The following PLPP4 variants were observed in gnomAD, a reference collection of about 807,000 sequenced individuals.
PLPP4 encodes phospholipid phosphatase 4.
Under a neutral mutation model 32.2 loss-of-function variants are expected in PLPP4, and 20 were observed. That is an observed-to-expected ratio of 0.62 (90% CI 0.44 to 0.90). The LOEUF (loss-of-function observed/expected upper bound fraction) is 0.90, where lower values mean the gene tolerates loss of function less well. Among genes scored for constraint, PLPP4 ranks in the 40% least tolerant of loss-of-function variants. PLPP4 has a pLI of 0.00. For synonymous variants in PLPP4, 127 were observed against 133.0 expected (o/e 0.95, Z 0.31); for missense variants, 257 against 353.1 (o/e 0.73, Z 2.18).
At position 120,503,752 on chromosome 10, in the gene PLPP4, C is replaced by A. The variant is rs1367791951; in HGVS notation, c.57-66C>A. ...CCCTGAGGGTGCATAGAAGGGGGGC[C>A]TCCTTGGGAACTTCCCACAGCAACA... On this transcript the variant is annotated intron_variant, in intron 1 of 6. Coordinates refer to ENST00000398250, the MANE Select transcript of PLPP4 (RefSeq NM_001030059.3). The A allele has an allele frequency of 1.3e-5, 21 of 1,589,024 alleles. No homozygotes were observed. In the Admixed American group the frequency reaches 3.5e-4, roughly 27 times the overall value.
At chr10:120,489,216 C>G (rs1029150772) in intron 1 of PLPP4, among the ~76,000 whole-genome samples, 6 of 152,198 alleles carry the variant, frequency 3.9e-5, no homozygotes, top group African/African-American at 1.4e-4. Context: ...GCAAGGTTTG[C>G]AAGTTGATCT....
chr10:120,531,782 T>C (rs1386347069), intron 5 of PLPP4, among the ~76,000 whole-genome samples: 1 of 152,072 alleles, frequency 6.6e-6, no homozygotes, highest in African/African-American at 2.4e-5. Flanking sequence ...TTCATTAATC[T>C]GTGTTCCTAT....
At chr10:120,522,469 C>T (rs899958566) in intron 5 of PLPP4, among the ~76,000 whole-genome samples, 2 of 152,306 alleles carry the variant, frequency 1.3e-5, no homozygotes, top group East Asian at 1.9e-4. Context: ...TGTCTAAGGA[C>T]ACCAGCTCTG....
intron 1 of PLPP4, among the ~76,000 whole-genome samples, chr10:120,479,274 C>G (rs561433224): frequency 4.6e-5 from 7 of 152,222 alleles, no homozygotes; most frequent in South Asian, 4.1e-4. Context: ...TCCCATCCCC[C>G]CTACTGCCAC....
intron 1 of PLPP4, among the ~76,000 whole-genome samples, chr10:120,498,250 C>T (rs1589768427): frequency 6.6e-6 from 1 of 151,806 alleles, no homozygotes; most frequent in Non-Finnish European, 1.5e-5. Context: ...AGTTTGAATC[C>T]CTATTAAGTG....
Position 120,504,704 on chromosome 10 carries a change from G to A in PLPP4, c.165+778G>A, listed in dbSNP as rs574271299. On this transcript the variant is annotated intron_variant, in intron 2 of 6. Transcript: ENST00000398250. ...GGAATGAGAGAGGACTTGTTTGTCT[G>A]GGCTATGCTGAGTTACAGTAAAGGA... is the stretch of plus-strand genomic sequence containing the variant. Among the ~76,000 whole-genome samples the A allele has an allele frequency of 6.6e-5, 10 of 152,322 alleles. No homozygotes were observed. In the South Asian group the frequency reaches 2.1e-3, roughly 32 times the overall value.
chr10:120,573,296 AT>A (rs565804231), intron 5 of PLPP4, among the ~76,000 whole-genome samples: 26 of 152,058 alleles, frequency 1.7e-4, no homozygotes, highest in Admixed American at 3.9e-4. Flanking sequence ...TTCCATTAAA[AT>A]TTTTTTTTAA....
intron 5 of PLPP4, among the ~76,000 whole-genome samples, chr10:120,535,090 A>G (rs1846951907): frequency 6.6e-6 from 1 of 152,150 alleles, no homozygotes; most frequent in South Asian, 2.1e-4. Flanking sequence ...GTCACCTTGC[A>G]TTCTAAAGCT....
intron 5 of PLPP4, among the ~76,000 whole-genome samples, chr10:120,559,579 A>G (rs886177404): frequency 6.6e-6 from 1 of 152,100 alleles, no homozygotes; most frequent in Admixed American, 6.5e-5. Flanking sequence ...TGACCCTTGA[A>G]CAACACAGGT....
chr10:120,480,120 G>T (rs900835759), intron 1 of PLPP4, among the ~76,000 whole-genome samples: 2 of 152,198 alleles, frequency 1.3e-5, no homozygotes, highest in African/African-American at 4.8e-5. Context: ...GGTGCTGGAG[G>T]TTTCTACCTG....
At chr10:120,549,258 C>T (rs1283569873) in intron 5 of PLPP4, among the ~76,000 whole-genome samples, 3 of 150,900 alleles carry the variant, frequency 2.0e-5, no homozygotes, top group Non-Finnish European at 4.4e-5. Context: ...ATCTTGTGAG[C>T]GGTTTCATGC....
intron 5 of PLPP4, among the ~76,000 whole-genome samples, chr10:120,553,515 T>C (rs566952570): frequency 6.6e-6 from 1 of 152,350 alleles, no homozygotes; most frequent in South Asian, 2.1e-4. Flanking sequence ...GAGAAATAAA[T>C]TTTTGTTGTT....
chr10:120,584,523 A>G (rs1241048843), intron 6 of PLPP4, among the ~76,000 whole-genome samples: 1 of 152,210 alleles, frequency 6.6e-6, no homozygotes, highest in Admixed American at 6.5e-5. Context: ...AAGGAGACAG[A>G]AGTATTTTGT....
intron 5 of PLPP4, among the ~76,000 whole-genome samples, chr10:120,574,502 A>G (rs1373374626): frequency 6.6e-6 from 1 of 152,194 alleles, no homozygotes; most frequent in East Asian, 1.9e-4. Flanking sequence ...AGAAAAAACA[A>G]TAACCATTAT....
At chr10:120,582,206 G>T (rs1054214182) in intron 6 of PLPP4, among the ~76,000 whole-genome samples, 1 of 152,176 alleles carries the variant, frequency 6.6e-6, no homozygotes, top group Non-Finnish European at 1.5e-5. Context: ...CCGTTCTGGA[G>T]GCTGGAAGTC....
intron 5 of PLPP4, among the ~76,000 whole-genome samples, chr10:120,523,237 G>C (rs567043087): frequency 4.9e-4 from 74 of 152,188 alleles, no homozygotes; most frequent in Middle Eastern, 3.4e-3. Flanking sequence ...GGGGGTCAGA[G>C]GTTACAGTGA....
intron 6 of PLPP4, among the ~76,000 whole-genome samples, chr10:120,577,412 G>C (rs192270324): frequency 1.3e-5 from 2 of 152,304 alleles, no homozygotes; most frequent in African/African-American, 4.8e-5. Context: ...TTTCCTAGCT[G>C]TGGTAGTGTA....
chr10:120,539,559 T>G (rs2133957832), intron 5 of PLPP4, among the ~76,000 whole-genome samples: 1 of 152,308 alleles, frequency 6.6e-6, no homozygotes, highest in Admixed American at 6.5e-5. Context: ...GAGGTGGACC[T>G]GGAGAACTGG....
At chr10:120,460,577 G>C (rs1197249914) in intron 1 of PLPP4, among the ~76,000 whole-genome samples, 1 of 152,106 alleles carries the variant, frequency 6.6e-6, no homozygotes, top group Non-Finnish European at 1.5e-5. Context: ...GATGAAGGGG[G>C]TATATTGATA....
Sources: gnomAD v4.1 joint callset for allele counts (sites outside exome capture counted in the v4.1 genomes callset) on GRCh38, gnomAD v4.1.1 for gene constraint, MANE v1.5 for transcripts, NCBI Gene and HGNC (gene_info 2026-07-23, HGNC 2026-07-21) for gene names.